DENND5B: variants seen among roughly 807,000 people sequenced by gnomAD.
The protein encoded by DENND5B is DENN domain-containing protein 5B.
DENND5B carries 34 observed loss-of-function variants against 140.6 expected under a neutral mutation model. The ratio of observed to expected loss-of-function variants is 0.24; its 90% CI spans 0.18 to 0.32. The LOEUF (loss-of-function observed/expected upper bound fraction) is 0.32. Among genes scored for constraint, DENND5B ranks in the 10% least tolerant of loss-of-function variants. The pLI is 1.00. For synonymous variants in DENND5B, 551 were observed against 562.1 expected (o/e 0.98, Z 0.28); for missense variants, 1,142 against 1,560.2 (o/e 0.73, Z 4.52).
At chr12:31,424,836 G>T in intron 9 of DENND5B, 149 bp from the exon 10 acceptor site, 1 of 977,956 alleles carries the variant, frequency 1.0e-6, no homozygotes, top group Non-Finnish European at 1.5e-6. Flanking sequence ...TCTTAATCTT[G>T]ATGTTCAACT....
intron 8 of DENND5B, 134 bp downstream of exon 8, chr12:31,433,021 T>G: frequency 1.4e-6 from 1 of 735,822 alleles, no homozygotes; most frequent in Admixed American, 3.0e-5. Flanking sequence ...ACAAAAGGAT[T>G]AATATTTTAA....
At chr12:31,400,671 T>C (rs1335325210) in intron 15 of DENND5B, among the ~76,000 whole-genome samples, 1 of 152,178 alleles carries the variant, frequency 6.6e-6, no homozygotes, top group Non-Finnish European at 1.5e-5. Context: ...TCAGGGTAAA[T>C]GGGGTGTCTG....
chr12:31,389,499 C>T lies in DENND5B; in HGVS notation c.3467-1G>A. Reference sequence around the variant, plus strand: ...GTTTCAAAATAAGCAACCACTTTCTCTGAGGAAAAAAGTCAGAATTATGTC... The same window carrying T: ...GTTTCAAAATAAGCAACCACTTTCTTTGAGGAAAAAAGTCAGAATTATGTC... On this transcript the variant is annotated splice_acceptor_variant, in intron 19 of 20. Coordinates refer to ENST00000389082, the MANE Select transcript of DENND5B (RefSeq NM_144973.4). LOFTEE classifies it high-confidence loss of function. The T allele has an allele frequency of 6.4e-7, 1 of 1,573,932 alleles. No individual in the cohort carries two copies. Among genetic ancestry groups the T allele is most frequent in the Non-Finnish European group, 8.6e-7 (1 of 1,158,534 alleles).
chr12:31,557,775 C>A (rs1356612058), intron 1 of DENND5B, among the ~76,000 whole-genome samples: 1 of 116,000 alleles, frequency 8.6e-6, no homozygotes, highest in African/African-American at 3.3e-5. Flanking sequence ...GAACAATATA[C>A]AACCTATTAA....
At chr12:31,559,167 C>T (rs528070567) in intron 1 of DENND5B, among the ~76,000 whole-genome samples, 3 of 152,202 alleles carry the variant, frequency 2.0e-5, no homozygotes, top group African/African-American at 4.8e-5. Context: ...AGTCAGTCTT[C>T]GGTCTATTTT....
chr12:31,469,342 A>C (rs1945432678), intron 3 of DENND5B, among the ~76,000 whole-genome samples: 1 of 136,226 alleles, frequency 7.3e-6, no homozygotes, highest in African/African-American at 2.6e-5. Flanking sequence ...CAAAAAAAAA[A>C]AAAAAAGAAG....
chr12:31,555,225 G>A (rs757543231), intron 1 of DENND5B, among the ~76,000 whole-genome samples: 251 of 152,228 alleles, frequency 1.6e-3, no homozygotes, highest in Middle Eastern at 6.8e-3. Flanking sequence ...CGTACAGATG[G>A]GTTTTTGGTG....
At chr12:31,570,942 A>G (rs905314284) in intron 1 of DENND5B, among the ~76,000 whole-genome samples, 1 of 152,064 alleles carries the variant, frequency 6.6e-6, no homozygotes, top group Non-Finnish European at 1.5e-5. Context: ...TTTAAAAGCA[A>G]CAAAAGCCAA....
chr12:31,438,447 G>A (rs1366674755), intron 7 of DENND5B, among the ~76,000 whole-genome samples: 1 of 152,094 alleles, frequency 6.6e-6, no homozygotes, highest in Non-Finnish European at 1.5e-5. Flanking sequence ...AAGAGGAGTA[G>A]GTTTATGGTT....
chr12:31,565,445 T>C (rs1017259740), intron 1 of DENND5B, among the ~76,000 whole-genome samples: 1 of 152,232 alleles, frequency 6.6e-6, no homozygotes, highest in Non-Finnish European at 1.5e-5. Flanking sequence ...ATCTTGCTTA[T>C]GTGGATGCCT....
intron 1 of DENND5B, among the ~76,000 whole-genome samples, chr12:31,539,960 A>C (rs1050507707): frequency 6.6e-6 from 1 of 152,128 alleles, no homozygotes; most frequent in Non-Finnish European, 1.5e-5. Flanking sequence ...AGATGATATG[A>C]TCTCGTATTT....
Position 31,408,231 on chromosome 12 carries a change from G to A in DENND5B, c.2803+1032C>T, listed in dbSNP as rs139976449. ...GGAGAATCGCTTGATCCCAGGGGAC[G>A]GAGGTTGCAGTGAGCTGAGATTCCA... On this transcript the variant is annotated intron_variant, in intron 14 of 20. Coordinates refer to ENST00000389082, the MANE Select transcript of DENND5B (RefSeq NM_144973.4). 3.7e-3 allele frequency among the ~76,000 whole-genome samples: 565 copies of A among 152,106 alleles called. 4 individuals carry two copies. Among genetic ancestry groups the A allele is most frequent in the African/African-American group, 0.011 (449 of 41,492 alleles).
chr12:31,443,063 T>TGTGC, intron 6 of DENND5B, 138 bp from the exon 7 acceptor site: 1 of 779,256 alleles, frequency 1.3e-6, no homozygotes, highest in African/African-American at 1.8e-5. Context: ...TGTGTGTGTG[T>TGTGC]GCACGCACGC....
intron 1 of DENND5B, among the ~76,000 whole-genome samples, chr12:31,555,345 A>G (rs1334451256): frequency 1.3e-5 from 2 of 152,218 alleles, no homozygotes; most frequent in African/African-American, 4.8e-5. Context: ...CCTGGGTATC[A>G]GCAGCAGTGG....
intron 11 of DENND5B, among the ~76,000 whole-genome samples, chr12:31,421,406 T>A (rs148921180): frequency 5.1e-4 from 77 of 152,312 alleles, no homozygotes; most frequent in African/African-American, 1.7e-3. Context: ...TTGCCATTCA[T>A]TAGGAAGCTT....
intron 1 of DENND5B, among the ~76,000 whole-genome samples, chr12:31,546,678 T>C (rs1948873939): frequency 6.6e-6 from 1 of 152,114 alleles, no homozygotes; most frequent in Admixed American, 6.5e-5. Context: ...AGAGCGAGAC[T>C]CCATCTCAAA....
At position 31,398,332 on chromosome 12, in the gene DENND5B, G is replaced by A. The variant is rs765567611; in HGVS notation, c.3099C>T (p.Gly1033=). Residue 1033 remains glycine (G), a synonymous_variant, in exon 17 of 21, where the codon GGC becomes GGT. Coordinates refer to ENST00000389082, the MANE Select transcript of DENND5B (RefSeq NM_144973.4). ...TTCTCTCCAGGCTCCCATCATCAAT[G>A]CCTTTCCCCAGCCACCGCCCACATG... ...RFPCGRWLGK[G]IDDGSLERIL... 2 of 1,550,880 alleles carry A rather than the reference G, an allele frequency of 1.3e-6. No homozygotes were observed. Among genetic ancestry groups the A allele is most frequent in the Non-Finnish European group, 1.7e-6 (2 of 1,147,076 alleles).
chr12:31,589,681 G>T (rs946905017), intron 1 of DENND5B, among the ~76,000 whole-genome samples: 1 of 151,922 alleles, frequency 6.6e-6, no homozygotes, highest in Non-Finnish European at 1.5e-5. Flanking sequence ...GTTCTGAAAG[G>T]CTATGACCTA....
At chr12:31,520,193 A>G (rs1947825880) in intron 1 of DENND5B, among the ~76,000 whole-genome samples, 1 of 152,240 alleles carries the variant, frequency 6.6e-6, no homozygotes, top group South Asian at 2.1e-4. Context: ...ACACTATCCA[A>G]CTTACAGATA....
Sources: gnomAD v4.1 joint callset for allele counts (sites outside exome capture counted in the v4.1 genomes callset) on GRCh38, gnomAD v4.1.1 for gene constraint, MANE v1.5 for transcripts, NCBI Gene and HGNC (gene_info 2026-07-23, HGNC 2026-07-21) for gene names.